The following PEX26 variants were observed in gnomAD, a reference collection of about 807,000 sequenced individuals.
PEX26 encodes peroxisome assembly protein 26.
In PEX26, 18 loss-of-function variants were observed where a neutral mutation model predicts 31.4. That is an observed-to-expected ratio of 0.57 (90% confidence interval 0.40 to 0.85). The LOEUF (loss-of-function observed/expected upper bound fraction) is 0.85, where lower values mean the gene tolerates loss of function less well. Among genes scored for constraint, PEX26 ranks in the 40% least tolerant of loss-of-function variants. PEX26 has a pLI of 0.00. For missense variants in PEX26, 377 were observed against 383.9 expected (o/e 0.98, Z 0.15); for synonymous variants, 176 against 166.9 (o/e 1.05, Z -0.42).
rs1366718630 is a variant in PEX26 at position 18,104,517 on chromosome 22, A to T, written c.*16442A>T. On this transcript the variant is annotated 3_prime_UTR_variant, in exon 5 of 5. Coordinates refer to ENST00000399744, the MANE Select transcript of PEX26 (RefSeq NM_001127649.3). ...CACCCGCCTCTTTAGGTGTTCTTTT[A>T]GGAGCTGGTAGCGGAGGAAGGTGGT... is the stretch of plus-strand genomic sequence containing the variant. 1 of 152,022 alleles carries T rather than the reference A, an allele frequency of 6.6e-6. No homozygotes were observed. Among genetic ancestry groups the T allele is most frequent in the African/African-American group, 2.4e-5 (1 of 41,368 alleles). 9.4% of individuals were successfully genotyped at this position (152,022 alleles called of 1,614,324 possible). A position where few individuals can be genotyped will look rare whatever the true frequency, so the allele number is the denominator to read the frequency against.
chr22:18,096,287 T>C lies in PEX26; in HGVS notation c.*8212T>C, dbSNP rs1465081164. Reference sequence around the variant, plus strand: ...GTGCTAGTTATTATTACTGTTGCTCTTAATTAAGTGAGGTAAGGAGGGGAG... The same window carrying C: ...GTGCTAGTTATTATTACTGTTGCTCCTAATTAAGTGAGGTAAGGAGGGGAG... On this transcript the variant is annotated 3_prime_UTR_variant, in exon 5 of 5. Transcript: ENST00000399744. 8 of 152,240 alleles carry C rather than the reference T, an allele frequency of 5.3e-5. No individual in the cohort carries two copies. The highest frequency in any genetic ancestry group is 3.8e-4 in the East Asian group (2 of 5,200). The allele number at this position is 152,240 out of a possible 1,614,324, so 9.4% of individuals were successfully genotyped here.
intron 4 of PEX26, among the ~76,000 whole-genome samples, chr22:18,086,997 C>T (rs1781843609): frequency 6.6e-6 from 1 of 152,184 alleles, no homozygotes; most frequent in Non-Finnish European, 1.5e-5. Flanking sequence ...ACTGCAACCT[C>T]TGCCTCCTAG....
At chr22:18,082,034 G>T (rs930965833) in intron 2 of PEX26, among the ~76,000 whole-genome samples, 19 of 144,982 alleles carry the variant, frequency 1.3e-4, no homozygotes, top group African/African-American at 4.6e-4. Context: ...AGAAATGTCT[G>T]TTGAGGTCTT....
Position 18,099,044 on chromosome 22 carries a change from CCTTTTAGTGA to C in PEX26, c.*10970_*10979del, listed in dbSNP as rs1200952636. On this transcript the variant is annotated 3_prime_UTR_variant, in exon 5 of 5. Transcript: ENST00000399744. ...AAAAAATGACATGCTGTCTGCCTTA[CCTTTTAGTGA>C]TGATTTGTAGGAAGAGGAAGGTAGG... 6.6e-6 allele frequency: 1 copy of C among 152,094 alleles called. No individual in the cohort carries two copies. The highest frequency in any genetic ancestry group is 1.5e-5 in the Non-Finnish European group (1 of 68,030). The allele number at this position is 152,094 out of a possible 1,614,324, so 9.4% of individuals were successfully genotyped here. A position where few individuals can be genotyped will look rare whatever the true frequency, so the allele number is the denominator to read the frequency against.
chr22:18,087,812 C>T (rs1926902705), intron 4 of PEX26, among the ~76,000 whole-genome samples, 160 bp from the exon 5 acceptor site: 1 of 152,136 alleles, frequency 6.6e-6, no homozygotes, highest in African/African-American at 2.4e-5. Context: ...ACAGACTGCA[C>T]TGTACTCTAG....
chr22:18,078,261 G>C lies in PEX26; in HGVS notation c.-116G>C. Reference sequence around the variant, plus strand: ...GGGAATCGACCTCGGGAAGGGGTGTGGGCAAAGAGATGAGGACTCTCCCTC... The same window carrying C: ...GGGAATCGACCTCGGGAAGGGGTGTCGGCAAAGAGATGAGGACTCTCCCTC... On this transcript the variant is annotated 5_prime_UTR_variant, in exon 1 of 5. Transcript: ENST00000399744. 1.3e-6 allele frequency: 1 copy of C among 787,848 alleles called. No homozygotes were observed. Among genetic ancestry groups the C allele is most frequent in the Non-Finnish European group, 2.2e-6 (1 of 462,820 alleles). The allele number at this position is 787,848 out of a possible 1,614,324, so 48.8% of individuals were successfully genotyped here. A position where few individuals can be genotyped will look rare whatever the true frequency, so the allele number is the denominator to read the frequency against.
At position 18,093,598 on chromosome 22, in the gene PEX26, A is replaced by G. The variant is rs1012206028; in HGVS notation, c.*5523A>G. The G allele has an allele frequency of 1.3e-5, 2 of 152,044 alleles. No individual in the cohort carries two copies. The highest frequency in any genetic ancestry group is 6.6e-5 in the Admixed American group (1 of 15,262). 9.4% of individuals were successfully genotyped at this position (152,044 alleles called of 1,614,324 possible). The stretch of plus-strand genomic sequence containing the variant: ...AAAACAAAAATAAACCTTTTAAATA[A>G]AGTGGTTACATTCTAACTTTAACTT... On this transcript the variant is annotated 3_prime_UTR_variant, in exon 5 of 5. Coordinates refer to ENST00000399744, the MANE Select transcript of PEX26 (RefSeq NM_001127649.3).
rs945192680 is a variant in PEX26 at position 18,094,025 on chromosome 22, A to C, written c.*5950A>C. The C allele has an allele frequency of 6.6e-6, 1 of 152,246 alleles. No homozygotes were observed. Among genetic ancestry groups the C allele is most frequent in the African/African-American group, 2.4e-5 (1 of 41,444 alleles). 9.4% of individuals were successfully genotyped at this position (152,246 alleles called of 1,614,324 possible). A position where few individuals can be genotyped will look rare whatever the true frequency, so the allele number is the denominator to read the frequency against. ...GATTCTGTGACCTACTTCCAATTTT[A>C]ATATTGACCTGAGCTCATATTTAGC... On this transcript the variant is annotated 3_prime_UTR_variant, in exon 5 of 5. Transcript: ENST00000399744.
At chr22:18,079,201 G>GA in intron 1 of PEX26, 1 of 985,248 alleles carries the variant, frequency 1.0e-6, no homozygotes, top group Non-Finnish European at 1.2e-6. Flanking sequence ...AGAATCCGGA[G>GA]AAAAAAACCT....
At chr22:18,083,051 C>T (rs967104161) in intron 2 of PEX26, among the ~76,000 whole-genome samples, 8 of 152,212 alleles carry the variant, frequency 5.3e-5, no homozygotes, top group African/African-American at 1.9e-4. Flanking sequence ...TATCCCACAA[C>T]TTTACTGAAT....
chr22:18,097,639 CT>C lies in PEX26; in HGVS notation c.*9565del, dbSNP rs1230788866. On this transcript the variant is annotated 3_prime_UTR_variant, in exon 5 of 5. Coordinates refer to ENST00000399744, the MANE Select transcript of PEX26 (RefSeq NM_001127649.3). Reference sequence around the variant, plus strand: ...TACAAAACCAGTATGGATATAGATCCTAGTTTCTTCTCCTTTTTATAAAAAA... The same window carrying C: ...TACAAAACCAGTATGGATATAGATCCAGTTTCTTCTCCTTTTTATAAAAAA... 1 of 151,838 alleles carries C rather than the reference CT, an allele frequency of 6.6e-6. No individual in the cohort carries two copies. The highest frequency in any genetic ancestry group is 1.5e-5 in the Non-Finnish European group (1 of 67,990). 9.4% of individuals were successfully genotyped at this position (151,838 alleles called of 1,614,324 possible).
At position 18,078,754 on chromosome 22, in the gene PEX26, C is replaced by T. The variant is rs531925214; in HGVS notation, c.230+148C>T. The T allele has an allele frequency of 1.2e-4, 95 of 769,440 alleles. No individual in the cohort carries two copies. The East Asian group carries it at 2.5e-3, about 20-fold the overall frequency. 47.7% of individuals were successfully genotyped at this position (769,440 alleles called of 1,614,324 possible). A position where few individuals can be genotyped will look rare whatever the true frequency, so the allele number is the denominator to read the frequency against. On this transcript the variant is annotated intron_variant, in intron 1 of 4. Coordinates refer to ENST00000399744, the MANE Select transcript of PEX26 (RefSeq NM_001127649.3). ...GTTTGTCTCCGAGAGGGTGGTCGCT[C>T]ATCGTGTGCCCATTCTACAGAGAAG...
rs1926397616 is a variant in PEX26 at position 18,078,493 on chromosome 22, G to A, written c.117G>A (p.Glu39=). 1 of 1,571,038 alleles carries A rather than the reference G, an allele frequency of 6.4e-7. No individual in the cohort carries two copies. Among genetic ancestry groups the A allele is most frequent in the Non-Finnish European group, 8.6e-7 (1 of 1,161,540 alleles). The change falls in exon 1 of 5, where the codon GAG becomes GAA. Residue 39 remains glutamate, a synonymous_variant. Transcript: ENST00000399744. ...PARAPAVDLL[E]EAADLLVVHL... The stretch of plus-strand genomic sequence containing the variant: ...GGGCGCCGGCCGTGGACCTTCTGGA[G>A]GAGGCGGCCGACCTCCTGGTGGTGC...
In PEX26 at chr22:18,088,193, G is replaced by A. The variant is rs765888943; in HGVS notation, c.*118G>A. On this transcript the variant is annotated 3_prime_UTR_variant, in exon 5 of 5. Coordinates refer to ENST00000399744, the MANE Select transcript of PEX26 (RefSeq NM_001127649.3). The surrounding 1 kb of genome is among the most constrained non-coding windows in gnomAD (Gnocchi z 4.1). The stretch of plus-strand genomic sequence containing the variant: ...AATGGGACCAGCCTAATCTCGCGGA[G>A]TGCACTGTGTCTTGCTGCCTGGGTG... The A allele has an allele frequency of 1.1e-5, 9 of 790,024 alleles. No homozygotes were observed. In the African/African-American group the frequency reaches 1.5e-4, roughly 13 times the overall value. The allele number at this position is 790,024 out of a possible 1,614,324, so 48.9% of individuals were successfully genotyped here. A position where few individuals can be genotyped will look rare whatever the true frequency, so the allele number is the denominator to read the frequency against.
At chr22:18,080,152 A>G (rs1267104691) in intron 2 of PEX26, 138 bp downstream of exon 2, 3 of 869,602 alleles carry the variant, frequency 3.4e-6, no homozygotes, top group Non-Finnish European at 5.7e-6. Flanking sequence ...TTTTTTCCCC[A>G]GACTTCCATA....
chr22:18,078,499 G>A lies in PEX26; in HGVS notation c.123G>A (p.Ala41=), dbSNP rs1436638020. ...RAPAVDLLEE[A]ADLLVVHLDF... is the part of the protein sequence containing the mutation. Reference sequence around the variant, plus strand: ...CGGCCGTGGACCTTCTGGAGGAGGCGGCCGACCTCCTGGTGGTGCACCTGG... The same window carrying A: ...CGGCCGTGGACCTTCTGGAGGAGGCAGCCGACCTCCTGGTGGTGCACCTGG... Residue 41 remains alanine (A), a synonymous_variant, in exon 1 of 5, where the codon GCG becomes GCA. Transcript: ENST00000399744. The A allele has an allele frequency of 1.3e-6, 2 of 1,570,844 alleles. No homozygotes were observed. The highest frequency in any genetic ancestry group is 2.3e-5 in the East Asian group (1 of 42,812).
chr22:18,078,873 G>A, intron 1 of PEX26: 2 of 648,014 alleles, frequency 3.1e-6, no homozygotes, highest in Middle Eastern at 2.4e-4. Context: ...GGCTGAATGT[G>A]TATTAAGTGC....
Position 18,101,282 on chromosome 22 carries a change from C to G in PEX26, c.*13207C>G, listed in dbSNP as rs543370601. ...AGTTGATTCCTACAGCCAAGACTAG[C>G]TTTGATCCTGGGAGATTCAGAAACC... On this transcript the variant is annotated 3_prime_UTR_variant, in exon 5 of 5. Coordinates refer to ENST00000399744, the MANE Select transcript of PEX26 (RefSeq NM_001127649.3). 1 of 152,230 alleles carries G rather than the reference C, an allele frequency of 6.6e-6. No homozygotes were observed. The highest frequency in any genetic ancestry group is 2.1e-4 in the South Asian group (1 of 4,818). 9.4% of individuals were successfully genotyped at this position (152,230 alleles called of 1,614,324 possible).
At position 18,094,627 on chromosome 22, in the gene PEX26, A is replaced by G. The variant is rs555665326; in HGVS notation, c.*6552A>G. ...TTCTTGCCCTCAGAAAAATGCATGC[A>G]TACTTTTATGTTACAGGCTTATTTT... On this transcript the variant is annotated 3_prime_UTR_variant, in exon 5 of 5. Coordinates refer to ENST00000399744, the MANE Select transcript of PEX26 (RefSeq NM_001127649.3). 6.6e-6 allele frequency: 1 copy of G among 152,322 alleles called. No individual in the cohort carries two copies. The highest frequency in any genetic ancestry group is 1.9e-4 in the East Asian group (1 of 5,190). 9.4% of individuals were successfully genotyped at this position (152,322 alleles called of 1,614,324 possible).
Sources: allele counts gnomAD v4.1 joint callset (sites outside exome capture counted in the v4.1 genomes callset), GRCh38; gene constraint gnomAD v4.1.1; non-coding constraint Gnocchi (gnomAD v3.1); transcripts MANE v1.5; gene names NCBI Gene and HGNC (gene_info 2026-07-23, HGNC 2026-07-21).